SHBG: variants seen among roughly 807,000 people sequenced by gnomAD.
SHBG encodes the protein sex hormone-binding globulin.
A neutral mutation model predicts 41.9 loss-of-function variants in SHBG; 37 were observed. The ratio of observed to expected loss-of-function variants is 0.88; its 90% confidence interval spans 0.68 to 1.16. The LOEUF is 1.16. Among genes scored for constraint, SHBG ranks in the 50% most tolerant of loss-of-function variants. SHBG has a pLI of 0.00. For synonymous variants in SHBG, 217 were observed against 205.8 expected (o/e 1.05, Z -0.47); for missense variants, 466 against 499.9 (o/e 0.93, Z 0.65).
upstream of SHBG, among the ~76,000 whole-genome samples, chr17:7,629,029 C>G (rs2072314659): frequency 6.6e-6 from 1 of 151,922 alleles, no homozygotes; most frequent in Non-Finnish European, 1.5e-5. Flanking sequence ...GCACTCCAGC[C>G]TGGGCAACAA....
intron 3 of SHBG, 122 bp from the exon 4 acceptor site, chr17:7,631,078 G>A: frequency 3.6e-6 from 4 of 1,108,882 alleles, no homozygotes; most frequent in Admixed American, 2.6e-5. Context: ...GTGACCCAAG[G>A]CCAAGGATGC....
At chr17:7,624,307 G>A (rs2072152582), upstream of SHBG, among the ~76,000 whole-genome samples, 1 of 152,016 alleles carries the variant, frequency 6.6e-6, no homozygotes, top group African/African-American at 2.4e-5. Flanking sequence ...GAGTGCGGTG[G>A]CACAATCTCA....
chr17:7,620,634 T>C (rs999984500), intron 1 of SHBG, among the ~76,000 whole-genome samples: 1 of 151,620 alleles, frequency 6.6e-6, no homozygotes, highest in East Asian at 1.9e-4. Flanking sequence ...TAATTTTTTT[T>C]TTTGTTTTTT....
intron 1 of SHBG, among the ~76,000 whole-genome samples, chr17:7,617,518 G>A (rs537087430): frequency 6.6e-6 from 1 of 152,106 alleles, no homozygotes; most frequent in African/African-American, 2.4e-5. Flanking sequence ...CAGGAGAATC[G>A]CTTGCACCCA....
At chr17:7,628,512 T>A (rs1471136646), upstream of SHBG, among the ~76,000 whole-genome samples, 1 of 151,952 alleles carries the variant, frequency 6.6e-6, no homozygotes, top group African/African-American at 2.4e-5. Context: ...AGTGGCGCGA[T>A]CTCGGCTCAC....
chr17:7,631,803 T>C (rs2072426428), intron 5 of SHBG, 55 bp downstream of exon 5: 9 of 1,611,864 alleles, frequency 5.6e-6, no homozygotes, highest in African/African-American at 1.3e-5. Flanking sequence ...CCTGCCTCTG[T>C]CCCCCTCTAC....
At chr17:7,630,134 C>T (rs1013196971), upstream of SHBG, 3 of 1,546,584 alleles carry the variant, frequency 1.9e-6, no homozygotes, top group East Asian at 2.2e-5. The surrounding 1 kb of genome is among the most constrained non-coding windows in gnomAD (Gnocchi z 4.6). Context: ...CACATTCTCC[C>T]AAGAGTTGTC....
chr17:7,632,683 G>T, intron 6 of SHBG, 69 bp from the exon 7 acceptor site: 1 of 1,232,140 alleles, frequency 8.1e-7, no homozygotes, highest in Non-Finnish European at 1.2e-6. Flanking sequence ...CTAGGGGTGA[G>T]GCCACAGGCA....
In SHBG at chr17:7,632,849, T is replaced by C. The variant is rs1414613579; in HGVS notation, c.950T>C (p.Leu317Ser). 2 of 1,614,038 alleles carry C rather than the reference T, an allele frequency of 1.2e-6. No individual in the cohort carries two copies. Among genetic ancestry groups the C allele is most frequent in the African/African-American group, 2.7e-5 (2 of 74,936 alleles). The change falls in exon 7 of 8, where the codon TTG (leucine) becomes TCG (serine). Residue 317 changes from leucine to serine, a missense_variant. Leu to Ser is a moderately radical substitution (Grantham distance 145). Transcript: ENST00000380450. ...QLKLSMSRVV[L>S]SQGSKMKALA... ...AAGCTGAGTATGTCCAGGGTGGTCTTGAGCCAAGGGTCGAAGATGAAGGCC... is the reference window on the plus strand; with the variant it reads ...AAGCTGAGTATGTCCAGGGTGGTCTCGAGCCAAGGGTCGAAGATGAAGGCC...
rs751508746 is a variant in SHBG, at chr17:7,632,941, T to A, written c.1042T>A (p.Phe348Ile). The A allele has an allele frequency of 6.2e-7, 1 of 1,614,020 alleles. No individual in the cohort carries two copies. The highest frequency in any genetic ancestry group is 8.5e-7 in the Non-Finnish European group (1 of 1,179,922). The change falls in exon 7 of 8, where the codon TTC becomes ATC. Residue 348 changes from phenylalanine to isoleucine, a missense_variant. Coordinates refer to ENST00000380450, the MANE Select transcript of SHBG (RefSeq NM_001040.5). ...CTGGGCCAAGCCTCAAGGGCGTCTC[T>A]TCCTGGGGGCTTTACCAGGTAAGAG... ...NLWAKPQGRL[F>I]LGALPGEDSS...
rs1567766252 is a variant in SHBG, at chr17:7,630,537, T to C, written c.203+30T>C. On this transcript the variant is annotated intron_variant, in intron 2 of 7. Transcript: ENST00000380450. The surrounding 1 kb of genome is among the most constrained non-coding windows in gnomAD (Gnocchi z 4.6). ...GGGGTTGGCCTAGCCCTTGACCCAGTCCCCTGGTTCTGCCCTCTCTCCATC... is the reference window on the plus strand; with the variant it reads ...GGGGTTGGCCTAGCCCTTGACCCAGCCCCCTGGTTCTGCCCTCTCTCCATC... 6.3e-7 allele frequency: 1 copy of C among 1,591,776 alleles called. No individual in the cohort carries two copies. The highest frequency in any genetic ancestry group is 8.6e-7 in the Non-Finnish European group (1 of 1,159,642).
chr17:7,626,961 C>T, upstream of SHBG: 1 of 1,613,974 alleles, frequency 6.2e-7, no homozygotes, highest in Non-Finnish European at 8.5e-7. Flanking sequence ...TCCGGCATCA[C>T]ATAGATATCC....
chr17:7,630,840 C>T lies in SHBG; in HGVS notation c.364C>T (p.Pro122Ser). The change falls in exon 3 of 8, where the codon CCA becomes TCA. Residue 122 changes from proline to serine, a missense_variant. By Grantham distance (74) the Pro-to-Ser change is moderately conservative. Transcript: ENST00000380450. The surrounding 1 kb of genome is among the most constrained non-coding windows in gnomAD (Gnocchi z 4.6). ...GGCCCAGCTTACGGTGGGTGCTGGACCACGGCTGGATGATGGGAGATGGCA... is the reference window on the plus strand; with the variant it reads ...GGCCCAGCTTACGGTGGGTGCTGGATCACGGCTGGATGATGGGAGATGGCA... ...HWAQLTVGAG[P>S]RLDDGRWHQV... 1 of 1,613,606 alleles carries T rather than the reference C, an allele frequency of 6.2e-7. No homozygotes were observed. The highest frequency in any genetic ancestry group is 1.1e-5 in the South Asian group (1 of 91,054).
At chr17:7,614,158 A>C in intron 1 of SHBG, 3 of 620,250 alleles carry the variant, frequency 4.8e-6, no homozygotes, top group Middle Eastern at 4.2e-4. Flanking sequence ...GAAGCTGGGT[A>C]AAGGGGTCTC....
chr17:7,619,816 G>T (rs190656398), intron 1 of SHBG, among the ~76,000 whole-genome samples: 1 of 152,122 alleles, frequency 6.6e-6, no homozygotes, highest in East Asian at 1.9e-4. Flanking sequence ...TAACCTCAGT[G>T]ATCCGTGTTC....
At chr17:7,627,828 C>A, upstream of SHBG, 1 of 678,008 alleles carries the variant, frequency 1.5e-6, no homozygotes, top group Non-Finnish European at 2.7e-6. This position sits in a 1 kb window ranked among gnomAD's most constrained non-coding sequence, Gnocchi z 4.8. Flanking sequence ...AGAGAGTAGG[C>A]CAGCGAGGCG....
At chr17:7,629,596 T>A (rs1720626263), upstream of SHBG, among the ~76,000 whole-genome samples, 1 of 149,716 alleles carries the variant, frequency 6.7e-6, no homozygotes, top group Admixed American at 6.7e-5. Context: ...GGGGGAGGAG[T>A]TCAGACCAGA....
At chr17:7,620,467 C>A (rs1445904047) in intron 1 of SHBG, among the ~76,000 whole-genome samples, 1 of 152,102 alleles carries the variant, frequency 6.6e-6, no homozygotes, top group African/African-American at 2.4e-5. Flanking sequence ...CAGCCGTTTG[C>A]CCCCACATCT....
chr17:7,631,135 C>A, intron 3 of SHBG, 65 bp from the exon 4 acceptor site: 1 of 1,449,286 alleles, frequency 6.9e-7, no homozygotes, highest in Non-Finnish European at 9.2e-7. Context: ...TACTAGGCTG[C>A]CTCACAGGAA....
Sources: gnomAD v4.1 joint callset for allele counts (sites outside exome capture counted in the v4.1 genomes callset) on GRCh38, gnomAD v4.1.1 for gene constraint, Gnocchi (gnomAD v3.1) non-coding constraint, MANE v1.5 for transcripts, NCBI Gene and HGNC (gene_info 2026-07-23, HGNC 2026-07-21) for gene names.